The following SV2B variants were observed in gnomAD, a reference collection of about 807,000 sequenced individuals.
The protein encoded by SV2B is synaptic vesicle glycoprotein 2B.
A neutral mutation model predicts 73.9 loss-of-function variants in SV2B; 41 were observed. The observed-to-expected ratio is 0.56, with a 90% CI of 0.43 to 0.72. The LOEUF is 0.72. Among genes scored for constraint, SV2B ranks in the 30% least tolerant of loss-of-function variants. The pLI, the probability that SV2B is intolerant of heterozygous loss-of-function variation, is 0.00. For missense variants in SV2B, 764 were observed against 857.8 expected (o/e 0.89, Z 1.37); for synonymous variants, 314 against 314.2 (o/e 1.00, Z 0.01).
chr15:91,191,156 C>T (rs1200594611), intron 1 of SV2B, among the ~76,000 whole-genome samples: 1 of 148,216 alleles, frequency 6.7e-6, no homozygotes, highest in Non-Finnish European at 1.5e-5. Context: ...ACCTCCGCCT[C>T]CCGGGTTCAA....
chr15:91,133,574 G>T lies in SV2B; in HGVS notation c.-392+33211G>T, dbSNP rs372231018. On this transcript the variant is annotated intron_variant, in intron 1 of 12. Coordinates refer to ENST00000394232, the MANE Select transcript of SV2B (RefSeq NM_001323032.3). ...TGTCAATTTATTGAGCCCTGTGAGG[G>T]TCTGCAGAAAATGCCCAGGCCAGAG... 3.3e-5 allele frequency among the ~76,000 whole-genome samples: 5 copies of T among 152,260 alleles called. No individual in the cohort carries two copies. In the East Asian group the frequency reaches 7.7e-4, roughly 24 times the overall value.
intron 2 of SV2B, among the ~76,000 whole-genome samples, chr15:91,251,341 G>T (rs1265400883): frequency 3.3e-5 from 5 of 152,220 alleles, no homozygotes; most frequent in Non-Finnish European, 7.4e-5. Flanking sequence ...TTGAAGAAAG[G>T]TCCTTCTTGG....
rs138812748 is a variant in SV2B at position 91,156,033 on chromosome 15, G to C, written c.-392+55670G>C. 9.5e-3 allele frequency among the ~76,000 whole-genome samples: 1,449 copies of C among 152,068 alleles called. 24 individuals carry two copies. Among genetic ancestry groups the C allele is most frequent in the African/African-American group, 0.032 (1,314 of 41,480 alleles). ...AAATAAATTTCAGGCAGAGGGGTTT[G>C]GTTGGAGAGAAGCAAGAAGGTCAAG... On this transcript the variant is annotated intron_variant, in intron 1 of 12. Transcript: ENST00000394232.
chr15:91,278,208 T>C (rs926192664), intron 9 of SV2B, among the ~76,000 whole-genome samples: 15 of 152,204 alleles, frequency 9.9e-5, no homozygotes, highest in Non-Finnish European at 1.9e-4. Flanking sequence ...TATGGAACCA[T>C]GCTAGAGCTG....
intron 1 of SV2B, among the ~76,000 whole-genome samples, chr15:91,209,114 G>GTTTTTTTTT (rs903531189): frequency 6.2e-4 from 56 of 89,966 alleles, no homozygotes; most frequent in African/African-American, 1.9e-3. Flanking sequence ...ACTGTTTTTT[G>GTTTTTTTTT]TTTTTTTTTT....
At chr15:91,175,808 G>A (rs78793894) in intron 1 of SV2B, among the ~76,000 whole-genome samples, 2 of 150,912 alleles carry the variant, frequency 1.3e-5, no homozygotes, top group Non-Finnish European at 3.0e-5. Flanking sequence ...AAAATCTTTC[G>A]GGTTTGAAGA....
rs2049247227 is a variant in SV2B, at chr15:91,296,714, G to GCA, written c.*4166_*4167dup. On this transcript the variant is annotated 3_prime_UTR_variant, in exon 13 of 13. Coordinates refer to ENST00000394232, the MANE Select transcript of SV2B (RefSeq NM_001323032.3). ...GCACACTCCTTCTGCCTGATCATGG[G>GCA]CACACGCTCCTTCTGCCCGATCATG... 6.6e-6 allele frequency: 1 copy of GCA among 151,298 alleles called. No homozygotes were observed. Among genetic ancestry groups the GCA allele is most frequent in the African/African-American group, 2.5e-5 (1 of 40,210 alleles). 9.4% of individuals were successfully genotyped at this position (151,298 alleles called of 1,614,324 possible).
chr15:91,148,227 C>A (rs2043205289), intron 1 of SV2B, among the ~76,000 whole-genome samples: 1 of 152,006 alleles, frequency 6.6e-6, no homozygotes, highest in African/African-American at 2.4e-5. Flanking sequence ...GATCTGCCTG[C>A]CTTGGCCTCC....
chr15:91,235,224 G>A (rs2046733705), intron 2 of SV2B, among the ~76,000 whole-genome samples: 2 of 152,082 alleles, frequency 1.3e-5, no homozygotes, highest in South Asian at 4.1e-4. Flanking sequence ...AAAAATTGAG[G>A]TTTTTATGTA....
In SV2B at chr15:91,118,075, T is replaced by A. The variant is rs1192421657; in HGVS notation, c.-392+17712T>A. Among the ~76,000 whole-genome samples, 1 of 152,142 alleles carries A rather than the reference T, an allele frequency of 6.6e-6. No homozygotes were observed. Among genetic ancestry groups the A allele is most frequent in the Non-Finnish European group, 1.5e-5 (1 of 68,018 alleles). On this transcript the variant is annotated intron_variant, in intron 1 of 12. Transcript: ENST00000394232. This position sits in a 1 kb window ranked among gnomAD's most constrained non-coding sequence, Gnocchi z 4.7. ...AGGGATTAAAAAAAGTGGGTAGAATTTTTGAAATCTTGGCCTGTAACAAAT... is the reference window on the plus strand; with the variant it reads ...AGGGATTAAAAAAAGTGGGTAGAATATTTGAAATCTTGGCCTGTAACAAAT...
intron 1 of SV2B, among the ~76,000 whole-genome samples, chr15:91,205,764 A>G (rs530250310): frequency 1.3e-5 from 2 of 152,326 alleles, no homozygotes; most frequent in Admixed American, 1.3e-4. Context: ...ATTTTATTGC[A>G]AAGAGTCAAA....
At chr15:91,180,442 C>G in intron 1 of SV2B, among the ~76,000 whole-genome samples, 1 of 151,866 alleles carries the variant, frequency 6.6e-6, no homozygotes, top group Admixed American at 6.6e-5. Context: ...TGTTGGCCTG[C>G]CTTGCTAGAT....
At chr15:91,154,634 TC>T (rs35490835) in intron 1 of SV2B, among the ~76,000 whole-genome samples, 2,161 of 152,216 alleles carry the variant, frequency 0.014, 31 homozygotes, top group Non-Finnish European at 0.018. Context: ...TGGGCCCTAT[TC>T]CAATGACTGG....
Position 91,130,927 on chromosome 15 carries a change from TG to T in SV2B, c.-392+30566del, listed in dbSNP as rs762099931. Among the ~76,000 whole-genome samples the T allele has an allele frequency of 6.6e-6, 1 of 151,326 alleles. No homozygotes were observed. The highest frequency in any genetic ancestry group is 1.5e-5 in the Non-Finnish European group (1 of 67,784). ...AACTTGAAGATGCAAAAGGAGGAGA[TG>T]GTTGATGGATCCAAGTTCAGGAACA... On this transcript the variant is annotated intron_variant, in intron 1 of 12. Transcript: ENST00000394232. This position sits in a 1 kb window ranked among gnomAD's most constrained non-coding sequence, Gnocchi z 5.6.
intron 1 of SV2B, among the ~76,000 whole-genome samples, chr15:91,143,795 T>C (rs965893315): frequency 5.9e-5 from 9 of 152,244 alleles, no homozygotes; most frequent in African/African-American, 2.2e-4. Flanking sequence ...TATTTTCACA[T>C]TGAAAATTGG....
intron 2 of SV2B, among the ~76,000 whole-genome samples, chr15:91,244,419 C>G (rs992542637): frequency 6.6e-6 from 1 of 152,176 alleles, no homozygotes; most frequent in Non-Finnish European, 1.5e-5. Flanking sequence ...GTTTACTGGA[C>G]CCATAAAAGA....
intron 1 of SV2B, among the ~76,000 whole-genome samples, chr15:91,107,033 G>T (rs1388352993): frequency 1.3e-5 from 2 of 152,144 alleles, no homozygotes; most frequent in Non-Finnish European, 2.9e-5. Context: ...GTTGGTGAAG[G>T]GAGTGAAACA....
At chr15:91,243,530 C>G (rs934770094) in intron 2 of SV2B, among the ~76,000 whole-genome samples, 1 of 152,188 alleles carries the variant, frequency 6.6e-6, no homozygotes, top group African/African-American at 2.4e-5. Context: ...TGTCTTAAAT[C>G]CTTTCTATTG....
chr15:91,111,240 G>A (rs1419406463), intron 1 of SV2B, among the ~76,000 whole-genome samples: 1 of 152,192 alleles, frequency 6.6e-6, no homozygotes, highest in African/African-American at 2.4e-5. Flanking sequence ...CCAGGTTTAT[G>A]TCTTGTTACT....
Sources: allele counts gnomAD v4.1 joint callset (sites outside exome capture counted in the v4.1 genomes callset), GRCh38; gene constraint gnomAD v4.1.1; non-coding constraint Gnocchi (gnomAD v3.1); transcripts MANE v1.5; gene names NCBI Gene and HGNC (gene_info 2026-07-23, HGNC 2026-07-21).